The following AKAP1 variants were observed in gnomAD, a reference collection of about 807,000 sequenced individuals.
AKAP1 encodes the protein A-kinase anchor protein 1, mitochondrial.
In AKAP1, 32 loss-of-function variants were observed where a neutral mutation model predicts 79.8. The ratio of observed to expected loss-of-function variants is 0.40; its 90% CI spans 0.30 to 0.54. The LOEUF (loss-of-function observed/expected upper bound fraction) is 0.54. AKAP1 is among the 20% of genes least tolerant of loss of function. The pLI is 0.47. For missense variants in AKAP1, 961 were observed against 1,138.9 expected, an observed-to-expected ratio of 0.84 and a Z score of 2.25; for synonymous variants, 416 against 466.7, an observed-to-expected ratio of 0.89 and a Z score of 1.40.
intron 1 of AKAP1, among the ~76,000 whole-genome samples, chr17:57,089,611 T>A (rs192035410): frequency 7.5e-4 from 114 of 151,832 alleles, no homozygotes; most frequent in Non-Finnish European, 7.7e-4. Context: ...GCCTAGAAAG[T>A]TTTTTTTTCT....
At position 57,110,144 on chromosome 17, in the gene AKAP1, A is replaced by G; in HGVS notation, c.1834A>G (p.Ile612Val). 6.2e-7 allele frequency: 1 copy of G among 1,613,888 alleles called. No individual in the cohort carries two copies. The highest frequency in any genetic ancestry group is 8.5e-7 in the Non-Finnish European group (1 of 1,179,938). The change falls in exon 3 of 11, where the codon ATC becomes GTC. Residue 612 changes from isoleucine (I) to valine (V), a missense_variant. By Grantham distance (29) the Ile-to-Val change is conservative. Coordinates refer to ENST00000337714, the MANE Select transcript of AKAP1 (RefSeq NM_003488.4). ...PKKVDLIIWE[I>V]EVPKHLVGRL... ...GAAGGTCGACCTCATCATCTGGGAG[A>G]TCGAGGTGCCAAAGGTAGGGGCGGA...
chr17:57,104,539 G>C (rs1597974655), intron 1 of AKAP1, among the ~76,000 whole-genome samples: 1 of 152,326 alleles, frequency 6.6e-6, no homozygotes, highest in Admixed American at 6.5e-5. Context: ...CCATAGTTTA[G>C]CCTAGGCTAC....
intron 7 of AKAP1, 86 bp downstream of exon 7, chr17:57,116,347 C>A: frequency 3.9e-6 from 6 of 1,547,450 alleles, no homozygotes; most frequent in Non-Finnish European, 4.4e-6. Context: ...TGTGCCAGGG[C>A]TTGGGTGAGG....
intron 1 of AKAP1, chr17:57,094,122 C>T (rs3826297): frequency 0.23 from 35,022 of 152,028 alleles, 5,124 homozygotes; most frequent in East Asian, 0.38. Flanking sequence ...CTGACCACCT[C>T]GCAGCCTCCA....
chr17:57,090,975 G>GA (rs1913749474), intron 1 of AKAP1, among the ~76,000 whole-genome samples: 1 of 152,220 alleles, frequency 6.6e-6, no homozygotes, highest in Admixed American at 6.5e-5. Context: ...CTCCTGATTA[G>GA]AGGAGGCAGT....
chr17:57,105,616 ACCCT>A lies in AKAP1; in HGVS notation c.153_156del (p.Asp51GlufsTer16). 1 of 1,613,936 alleles carries A rather than the reference ACCCT, an allele frequency of 6.2e-7. No homozygotes were observed. Among genetic ancestry groups the A allele is most frequent in the Non-Finnish European group, 8.5e-7 (1 of 1,179,986 alleles). On this transcript the variant is annotated frameshift_variant, in exon 2 of 11. Coordinates refer to ENST00000337714, the MANE Select transcript of AKAP1 (RefSeq NM_003488.4). LOFTEE classifies it high-confidence loss of function. ...GCTGGTGCTGTGCAGCTGAGGGCTGACCCTGCCATCAAGGAACCTCTCCCCGTGG... is the reference window on the plus strand; with the variant it reads ...GCTGGTGCTGTGCAGCTGAGGGCTGAGCCATCAAGGAACCTCTCCCCGTGG...
Position 57,086,258 on chromosome 17 carries a change from C to T in AKAP1, c.-25+860C>T. The stretch of plus-strand genomic sequence containing the variant: ...GGTCTGCGATCTGGAGGGACCGCGC[C>T]AGTTTTGGGGTTACGATGTGCTAGG... On this transcript the variant is annotated intron_variant, in intron 1 of 10. Coordinates refer to ENST00000337714, the MANE Select transcript of AKAP1 (RefSeq NM_003488.4). The surrounding 1 kb of genome is among the most constrained non-coding windows in gnomAD (Gnocchi z 5.1). The T allele has an allele frequency of 2.9e-6, 1 of 343,048 alleles. No homozygotes were observed. The highest frequency in any genetic ancestry group is 5.8e-6 in the Non-Finnish European group (1 of 173,494). The allele number at this position is 343,048 out of a possible 1,614,324, so 21.3% of individuals were successfully genotyped here. A position where few individuals can be genotyped will look rare whatever the true frequency, so the allele number is the denominator to read the frequency against.
chr17:57,097,169 T>C (rs1204637677), intron 1 of AKAP1, among the ~76,000 whole-genome samples: 2 of 152,162 alleles, frequency 1.3e-5, no homozygotes, highest in Non-Finnish European at 2.9e-5. Flanking sequence ...CCCAAAGATA[T>C]TAGAACCTCA....
rs771451662 is a variant in AKAP1, at chr17:57,112,760, G to A, written c.2103+142G>A. 33 of 1,256,574 alleles carry A rather than the reference G, an allele frequency of 2.6e-5. No homozygotes were observed. Among genetic ancestry groups the A allele is most frequent in the African/African-American group, 4.6e-5 (3 of 65,876 alleles). 77.8% of individuals were successfully genotyped at this position (1,256,574 alleles called of 1,614,324 possible). A position where few individuals can be genotyped will look rare whatever the true frequency, so the allele number is the denominator to read the frequency against. On this transcript the variant is annotated intron_variant, in intron 5 of 10. Coordinates refer to ENST00000337714, the MANE Select transcript of AKAP1 (RefSeq NM_003488.4). ...CTCTCTTCTCTGGCCTCTGCTGGTC[G>A]GTTCTGCTATGGGACTGTGTTCTGG... is the stretch of plus-strand genomic sequence containing the variant.
intron 9 of AKAP1, 112 bp from the exon 10 acceptor site, chr17:57,118,870 C>T (rs1296971000): frequency 1.2e-5 from 14 of 1,190,874 alleles, no homozygotes; most frequent in South Asian, 7.9e-5. Context: ...CAATCACCTC[C>T]CACCAGGTCT....
Position 57,106,174 on chromosome 17 carries a change from C to T in AKAP1, c.710C>T (p.Ala237Val), listed in dbSNP as rs1238143756. 15 of 1,613,802 alleles carry T rather than the reference C, an allele frequency of 9.3e-6. No individual in the cohort carries two copies. In the South Asian group the frequency reaches 1.6e-4, roughly 18 times the overall value. The change falls in exon 2 of 11, where the codon GCC becomes GTC. Residue 237 changes from alanine (A) to valine (V), a missense_variant. Around this residue, in one of 3 missense-constraint regions of AKAP1, gnomAD observed 224 missense variants for 210.2 expected, o/e 1.07. Transcript: ENST00000337714. ...ELENSKGPSLASLEGEEDKGK... is the reference protein window; with the variant it reads ...ELENSKGPSLVSLEGEEDKGK... ...GAGAACAGCAAGGGCCCCAGCCTGGCCTCTTTAGAGGGGGAAGAAGATAAG... is the reference window on the plus strand; with the variant it reads ...GAGAACAGCAAGGGCCCCAGCCTGGTCTCTTTAGAGGGGGAAGAAGATAAG...
At chr17:57,085,960 G>A (rs1350381619) in intron 1 of AKAP1, 1 of 176,610 alleles carries the variant, frequency 5.7e-6, no homozygotes, top group Non-Finnish European at 1.2e-5. Context: ...CGCAGCCCCT[G>A]GGAGTTCCGT....
At position 57,104,492 on chromosome 17, in the gene AKAP1, A is replaced by C. The variant is rs1458744834; in HGVS notation, c.-24-949A>C. On this transcript the variant is annotated intron_variant, in intron 1 of 10. Transcript: ENST00000337714. ...TGTAAGCTGAAAATAGCATAAATCG[A>C]AAATAAATACATCTAATGCACCTAA... Among the ~76,000 whole-genome samples, 3 of 152,250 alleles carry C rather than the reference A, an allele frequency of 2.0e-5. No homozygotes were observed. In the East Asian group the frequency reaches 5.8e-4, roughly 29 times the overall value.
chr17:57,111,296 G>T (rs185677106), intron 3 of AKAP1, among the ~76,000 whole-genome samples: 2 of 152,342 alleles, frequency 1.3e-5, no homozygotes, highest in East Asian at 3.9e-4. Context: ...ACTTGGCAGC[G>T]GGAGCCCAGG....
chr17:57,106,439 T>C lies in AKAP1; in HGVS notation c.975T>C (p.Asp325=), dbSNP rs745988006. The part of the protein sequence containing the change: ...EGLDRNEEGL[D]RNEESLDRNE... ...TGGATAGAAATGAGGAGGGCTTGGA[T>C]AGAAATGAGGAGAGCTTGGATAGAA... Residue 325 remains aspartate (D), a synonymous_variant, in exon 2 of 11, where the codon GAT becomes GAC. Transcript: ENST00000337714. The C allele has an allele frequency of 1.5e-5, 22 of 1,477,478 alleles. No individual in the cohort carries two copies. Among genetic ancestry groups the C allele is most frequent in the Non-Finnish European group, 2.0e-5 (21 of 1,063,612 alleles). The allele number at this position is 1,477,478 out of a possible 1,614,324, so 91.5% of individuals were successfully genotyped here. A position where few individuals can be genotyped will look rare whatever the true frequency, so the allele number is the denominator to read the frequency against.
Position 57,112,606 on chromosome 17 carries a change from G to T in AKAP1, c.2091G>T (p.Pro697=), listed in dbSNP as rs370481038. Residue 697 remains proline (P), a synonymous_variant, in exon 5 of 11, where the codon CCG becomes CCT. Coordinates refer to ENST00000337714, the MANE Select transcript of AKAP1 (RefSeq NM_003488.4). ...CTTCACTGGCACTGCCTTCTCTGCC[G>T]ATGACATCCTGGGTGAGCGTGCTAC... The part of the protein sequence containing the change: ...PLPSLALPSL[P]MTSWLMLPDG... The T allele has an allele frequency of 1.2e-6, 2 of 1,613,014 alleles. No homozygotes were observed. The highest frequency in any genetic ancestry group is 1.7e-6 in the Non-Finnish European group (2 of 1,179,470).
chr17:57,090,801 T>TA (rs1006986287), intron 1 of AKAP1, among the ~76,000 whole-genome samples: 1 of 152,046 alleles, frequency 6.6e-6, no homozygotes, highest in Non-Finnish European at 1.5e-5. Flanking sequence ...TGACTATGAA[T>TA]AAAAAAAGCT....
intron 3 of AKAP1, 76 bp downstream of exon 3, chr17:57,110,234 G>A (rs947588549): frequency 6.4e-7 from 1 of 1,567,356 alleles, no homozygotes; most frequent in Non-Finnish European, 8.6e-7. Flanking sequence ...AGACCTCAGG[G>A]AGGGAGGGGG....
Position 57,107,112 on chromosome 17 carries a change from G to C in AKAP1, c.1648G>C (p.Gly550Arg), listed in dbSNP as rs747273305. ...GCCCTTCAGCAATGGGGTGCTGAAGGGGGAGTTGTCAGACTTGGGGGCTGA... is the reference window on the plus strand; with the variant it reads ...GCCCTTCAGCAATGGGGTGCTGAAGCGGGAGTTGTCAGACTTGGGGGCTGA... ...TVPFSNGVLK[G>R]ELSDLGAEDG... The change falls in exon 2 of 11, where the codon GGG becomes CGG. Residue 550 changes from glycine (G) to arginine (R), a missense_variant. Gly to Arg is a moderately radical substitution (Grantham distance 125, BLOSUM62 -2). Coordinates refer to ENST00000337714, the MANE Select transcript of AKAP1 (RefSeq NM_003488.4). The C allele has an allele frequency of 7.4e-6, 12 of 1,614,140 alleles. No individual in the cohort carries two copies. In the Admixed American group the frequency reaches 1.8e-4, roughly 25 times the overall value.
Sources: gnomAD v4.1 joint callset for allele counts (sites outside exome capture counted in the v4.1 genomes callset) on GRCh38, gnomAD v4.1.1 for gene constraint, gnomAD v4.1.1 regional missense constraint, Gnocchi (gnomAD v3.1) non-coding constraint, MANE v1.5 for transcripts, NCBI Gene and HGNC (gene_info 2026-07-23, HGNC 2026-07-21) for gene names.